Variants in PACSIN1 observed in about 807,000 individuals in gnomAD.
The protein encoded by PACSIN1 is protein kinase C and casein kinase substrate in neurons 1.
PACSIN1 carries 15 observed loss-of-function variants against 59.5 expected under a neutral mutation model. The observed-to-expected ratio is 0.25, with a 90% CI of 0.17 to 0.39. The LOEUF (loss-of-function observed/expected upper bound fraction) is 0.39, where lower values mean the gene tolerates loss of function less well. PACSIN1 is among the 10% of genes least tolerant of loss of function. The pLI, the probability that PACSIN1 is intolerant of heterozygous loss-of-function variation, is 1.00. For synonymous variants in PACSIN1, 210 were observed against 220.6 expected, an observed-to-expected ratio of 0.95 and a Z score of 0.42; for missense variants, 420 against 580.2, an observed-to-expected ratio of 0.72 and a Z score of 2.84.
In PACSIN1 at chr6:34,514,285, C is replaced by T. The variant is rs9469795; in HGVS notation, c.-63-11958C>T. Among the ~76,000 whole-genome samples, 3,650 of 151,852 alleles carry T rather than the reference C, an allele frequency of 0.024. 125 individuals carry two copies. The highest frequency in any genetic ancestry group is 0.073 in the African/African-American group (3,018 of 41,358). ...AACTGGCATCACAAGGTCTCGGTGC[C>T]GACAGCTAGCCCAGGAACCTTGGAC... On this transcript the variant is annotated intron_variant, in intron 1 of 9. Transcript: ENST00000244458. This position sits in a 1 kb window ranked among gnomAD's most constrained non-coding sequence, Gnocchi z 4.4.
At chr6:34,495,104 C>T (rs959193058) in intron 1 of PACSIN1, among the ~76,000 whole-genome samples, 2 of 152,190 alleles carry the variant, frequency 1.3e-5, no homozygotes, top group Admixed American at 6.5e-5. Context: ...CTAATTCCTA[C>T]CCTCTCCTCC....
rs1581979538 is a variant in PACSIN1, at chr6:34,516,627, C to T, written c.-63-9616C>T. Among the ~76,000 whole-genome samples the T allele has an allele frequency of 1.3e-5, 2 of 152,234 alleles. No homozygotes were observed. Among genetic ancestry groups the T allele is most frequent in the African/African-American group, 2.4e-5 (1 of 41,546 alleles). On this transcript the variant is annotated intron_variant, in intron 1 of 9. Coordinates refer to ENST00000244458, the MANE Select transcript of PACSIN1 (RefSeq NM_020804.5). The surrounding 1 kb of genome is among the most constrained non-coding windows in gnomAD (Gnocchi z 5.4). ...GTTCTTTGGGTGAGAGCTGAAGGAA[C>T]GTCTGTCCACTCAGCAGGCCCTCCA...
In PACSIN1 at chr6:34,534,462, A is replaced by T. The variant is rs962602673; in HGVS notation, c.*1932A>T. 7 of 152,822 alleles carry T rather than the reference A, an allele frequency of 4.6e-5. No individual in the cohort carries two copies. Among genetic ancestry groups the T allele is most frequent in the Non-Finnish European group, 7.3e-5 (5 of 68,208 alleles). The allele number at this position is 152,822 out of a possible 1,614,324, so 9.5% of individuals were successfully genotyped here. On this transcript the variant is annotated 3_prime_UTR_variant, in exon 10 of 10. Transcript: ENST00000244458. ...GGAAGCCTGCAGTCCTCCCAGCTCCAGTGCAGAAGCCTCTCTCTCCAGCCT... is the reference window on the plus strand; with the variant it reads ...GGAAGCCTGCAGTCCTCCCAGCTCCTGTGCAGAAGCCTCTCTCTCCAGCCT...
intron 1 of PACSIN1, among the ~76,000 whole-genome samples, chr6:34,523,278 C>T (rs6903333): frequency 0.012 from 1,857 of 152,346 alleles, 42 homozygotes; most frequent in African/African-American, 0.042. Context: ...ACTGTCATTG[C>T]TGTGATAGCC....
chr6:34,530,491 C>A lies in PACSIN1; in HGVS notation c.941C>A (p.Thr314Asn). The A allele has an allele frequency of 6.2e-7, 1 of 1,607,890 alleles. No homozygotes were observed. The highest frequency in any genetic ancestry group is 8.5e-7 in the Non-Finnish European group (1 of 1,177,118). ...EWNPDLPHTTTKKEKQPKKAE... is the reference protein window; with the variant it reads ...EWNPDLPHTTNKKEKQPKKAE... ...AACCCAGACCTTCCTCACACCACCACCAAGAAGGAGAAACAGCCTAAGAAG... is the reference window on the plus strand; with the variant it reads ...AACCCAGACCTTCCTCACACCACCAACAAGAAGGAGAAACAGCCTAAGAAG... The change falls in exon 8 of 10, where the codon ACC becomes AAC. Residue 314 changes from threonine to asparagine, a missense_variant. Thr to Asn is a moderately conservative substitution (Grantham distance 65). Transcript: ENST00000244458. The surrounding 1 kb of genome is among the most constrained non-coding windows in gnomAD (Gnocchi z 4.4).
At chr6:34,526,394 C>A in intron 2 of PACSIN1, 26 bp downstream of exon 2, 1 of 1,601,908 alleles carries the variant, frequency 6.2e-7, no homozygotes. Flanking sequence ...TCCCCAGGTT[C>A]GGGGACCAGA....
chr6:34,496,941 CTTTTTTTTTTTT>C lies in PACSIN1; in HGVS notation c.-63-29293_-63-29282del, dbSNP rs11464603. Reference sequence around the variant, plus strand: ...GATATGCATCTCTTTCTCTCTCTCTCTTTTTTTTTTTTTTTTTTTTGAGACAGAGTCTCATCT... The same window carrying C: ...GATATGCATCTCTTTCTCTCTCTCTCTTTTTTTTGAGACAGAGTCTCATCT... On this transcript the variant is annotated intron_variant, in intron 1 of 9. Transcript: ENST00000244458. Among the ~76,000 whole-genome samples the C allele has an allele frequency of 1.1e-4, 11 of 100,838 alleles. No homozygotes were observed. In the South Asian group the frequency reaches 3.4e-3, roughly 31 times the overall value. The allele number at this position is 100,838 out of a possible 152,430, so 66.2% of individuals were successfully genotyped here.
In PACSIN1 at chr6:34,524,219, A is replaced by AGCT. The variant is rs1767445813; in HGVS notation, c.-63-2024_-63-2023insGCT. 6.6e-5 allele frequency among the ~76,000 whole-genome samples: 10 copies of AGCT among 152,256 alleles called. No individual in the cohort carries two copies. The South Asian group carries it at 1.0e-3, about 16-fold the overall frequency. On this transcript the variant is annotated intron_variant, in intron 1 of 9. Coordinates refer to ENST00000244458, the MANE Select transcript of PACSIN1 (RefSeq NM_020804.5). The stretch of plus-strand genomic sequence containing the variant: ...CTCAGCCATTGGGTATTTTGGCCTG[A>AGCT]CATACCAGGTCTCAGCTGTACTGTC...
At chr6:34,491,240 C>T (rs1006142697) in intron 1 of PACSIN1, among the ~76,000 whole-genome samples, 1 of 152,204 alleles carries the variant, frequency 6.6e-6, no homozygotes, top group Non-Finnish European at 1.5e-5. Context: ...ATGAGTCACA[C>T]TCAGCCTTGC....
Position 34,515,480 on chromosome 6 carries a change from A to G in PACSIN1, c.-63-10763A>G, listed in dbSNP as rs115915888. Reference sequence around the variant, plus strand: ...CCCCTGCCCCACTCAAGGCACTGCTAGGCTCTGGCCATTTGGGATAAGCAG... The same window carrying G: ...CCCCTGCCCCACTCAAGGCACTGCTGGGCTCTGGCCATTTGGGATAAGCAG... On this transcript the variant is annotated intron_variant, in intron 1 of 9. Transcript: ENST00000244458. This position sits in a 1 kb window ranked among gnomAD's most constrained non-coding sequence, Gnocchi z 4.4. Among the ~76,000 whole-genome samples the G allele has an allele frequency of 3.7e-4, 57 of 152,198 alleles. No individual in the cohort carries two copies. Among genetic ancestry groups the G allele is most frequent in the African/African-American group, 1.3e-3 (52 of 41,546 alleles).
intron 1 of PACSIN1, among the ~76,000 whole-genome samples, chr6:34,473,148 C>T (rs1017670179): frequency 6.9e-6 from 1 of 144,216 alleles, no homozygotes; most frequent in African/African-American, 2.6e-5. Context: ...CAGGTGTGTT[C>T]TGGAAGACTG....
intron 1 of PACSIN1, among the ~76,000 whole-genome samples, chr6:34,477,394 GAAAA>G (rs1035847845): frequency 1.3e-5 from 2 of 151,896 alleles, no homozygotes; most frequent in Non-Finnish European, 2.9e-5. Flanking sequence ...AAGAAATCAA[GAAAA>G]AAAGAAGAAA....
chr6:34,502,627 C>T (rs914897751), intron 1 of PACSIN1, among the ~76,000 whole-genome samples: 2 of 151,896 alleles, frequency 1.3e-5, no homozygotes, highest in African/African-American at 4.8e-5. Flanking sequence ...CATGACACCC[C>T]GCTAATTTTT....
chr6:34,523,765 G>T (rs60652435), intron 1 of PACSIN1, among the ~76,000 whole-genome samples: 4 of 152,330 alleles, frequency 2.6e-5, no homozygotes, highest in Admixed American at 2.6e-4. Flanking sequence ...TGCCCCTAGG[G>T]TGGGGGTGTG....
At chr6:34,501,601 G>T (rs778339212) in intron 1 of PACSIN1, among the ~76,000 whole-genome samples, 4 of 152,090 alleles carry the variant, frequency 2.6e-5, no homozygotes, top group African/African-American at 7.2e-5. Flanking sequence ...CATTTTTTTT[G>T]ATCAGTGACC....
chr6:34,504,892 T>G (rs926961096), intron 1 of PACSIN1, among the ~76,000 whole-genome samples: 54 of 152,192 alleles, frequency 3.5e-4, no homozygotes, highest in Admixed American at 2.0e-3. Flanking sequence ...AGTTCTTTTC[T>G]TTCAGCATTT....
At chr6:34,467,652 G>T (rs369607459) in intron 1 of PACSIN1, among the ~76,000 whole-genome samples, 1 of 142,210 alleles carries the variant, frequency 7.0e-6, no homozygotes, top group Non-Finnish European at 1.5e-5. Flanking sequence ...TCTGCCTCCC[G>T]GGTTCAAGCG....
chr6:34,520,018 A>AGG (rs1296340168), intron 1 of PACSIN1, among the ~76,000 whole-genome samples: 4 of 152,174 alleles, frequency 2.6e-5, no homozygotes, highest in African/African-American at 9.6e-5. Context: ...TATTTGGGGA[A>AGG]GACTTCTTGG....
intron 1 of PACSIN1, among the ~76,000 whole-genome samples, chr6:34,491,138 C>A (rs1766870624): frequency 6.6e-6 from 1 of 152,146 alleles, no homozygotes; most frequent in Admixed American, 6.5e-5. Flanking sequence ...CCTGGGCCCG[C>A]TCCTCAGCTT....
Sources: allele counts gnomAD v4.1 joint callset (sites outside exome capture counted in the v4.1 genomes callset), GRCh38; gene constraint gnomAD v4.1.1; non-coding constraint Gnocchi (gnomAD v3.1); transcripts MANE v1.5; gene names NCBI Gene and HGNC (gene_info 2026-07-23, HGNC 2026-07-21).